COP1: variants seen among roughly 807,000 people sequenced by gnomAD.
COP1 encodes the protein COP1 E3 ubiquitin ligase.
COP1 carries 24 observed loss-of-function variants against 101.3 expected under a neutral mutation model. That is an observed-to-expected ratio of 0.24 (90% CI 0.17 to 0.33). The LOEUF is 0.33. COP1 is among the 10% of genes least tolerant of loss of function. The pLI is 1.00. For synonymous variants in COP1, 347 were observed against 341.9 expected (o/e 1.01, Z -0.17); for missense variants, 663 against 906.2 (o/e 0.73, Z 3.45).
At chr1:176,092,448 G>C (rs1681502798) in intron 9 of COP1, among the ~76,000 whole-genome samples, 1 of 151,974 alleles carries the variant, frequency 6.6e-6, no homozygotes, top group Non-Finnish European at 1.5e-5. Flanking sequence ...GGTGAGACAA[G>C]ATACAAACTG....
intron 9 of COP1, 124 bp from the exon 10 acceptor site, chr1:176,086,014 A>C: frequency 2.0e-6 from 1 of 495,548 alleles, no homozygotes; most frequent in East Asian, 2.8e-5. Flanking sequence ...CAAATAGTAA[A>C]AAACTGTAAT....
chr1:176,186,887 A>C (rs939517409), intron 1 of COP1, among the ~76,000 whole-genome samples: 5 of 152,188 alleles, frequency 3.3e-5, no homozygotes, highest in African/African-American at 1.2e-4. Context: ...GACAAAAATC[A>C]GTGAAGGTTT....
intron 1 of COP1, among the ~76,000 whole-genome samples, chr1:176,200,987 A>T (rs1359670154): frequency 6.6e-6 from 1 of 152,170 alleles, no homozygotes; most frequent in African/African-American, 2.4e-5. Flanking sequence ...ATCATGCCCA[A>T]CTTAAAAAAC....
At chr1:176,036,731 T>G (rs1330434694) in intron 14 of COP1, among the ~76,000 whole-genome samples, 1 of 152,192 alleles carries the variant, frequency 6.6e-6, no homozygotes, top group Non-Finnish European at 1.5e-5. Context: ...TATTCAACAT[T>G]GTATTGTAAA....
chr1:176,094,969 G>A (rs1682063625), intron 9 of COP1, among the ~76,000 whole-genome samples: 1 of 152,076 alleles, frequency 6.6e-6, no homozygotes, highest in Admixed American at 6.5e-5. Context: ...AATAAAATAA[G>A]TAACTTACCA....
At chr1:176,104,640 A>G (rs1300755146) in intron 9 of COP1, among the ~76,000 whole-genome samples, 1 of 152,234 alleles carries the variant, frequency 6.6e-6, no homozygotes, top group Non-Finnish European at 1.5e-5. Flanking sequence ...ATTAAAAACT[A>G]TGAAACTTTT....
At chr1:176,078,974 A>C (rs1449165976) in intron 11 of COP1, among the ~76,000 whole-genome samples, 2 of 152,142 alleles carry the variant, frequency 1.3e-5, no homozygotes, top group Non-Finnish European at 2.9e-5. Context: ...AATTATTAAA[A>C]AGTCAAAAAA....
In COP1 at chr1:176,065,621, C is replaced by T. The variant is rs149459843; in HGVS notation, c.1277+15531G>A. Among the ~76,000 whole-genome samples, 395 of 151,894 alleles carry T rather than the reference C, an allele frequency of 2.6e-3. 3 individuals are homozygous for T. Among genetic ancestry groups the T allele is most frequent in the African/African-American group, 9.1e-3 (377 of 41,412 alleles). ...CATAGGATGAGCTTTCTGTCCTCCC[C>T]TATTTGCCTGAAAGCAGAACATAAA... On this transcript the variant is annotated intron_variant, in intron 11 of 19. Transcript: ENST00000367669.
At chr1:176,086,520 C>CT (rs1680204883) in intron 9 of COP1, among the ~76,000 whole-genome samples, 1 of 152,258 alleles carries the variant, frequency 6.6e-6, no homozygotes, top group African/African-American at 2.4e-5. Context: ...GCCACTGCGC[C>CT]TGGCCTGATT....
intron 1 of COP1, among the ~76,000 whole-genome samples, chr1:176,202,958 C>T (rs1212507966): frequency 6.6e-6 from 1 of 152,090 alleles, no homozygotes; most frequent in African/African-American, 2.4e-5. Context: ...CTTAGTTTAA[C>T]ACAAAATAGG....
intron 2 of COP1, among the ~76,000 whole-genome samples, chr1:176,183,923 A>G (rs1698110493): frequency 6.6e-6 from 1 of 152,094 alleles, no homozygotes. Context: ...GGTGGCTGCC[A>G]GGGGATACAG....
chr1:175,992,074 A>T (rs2148770444), intron 15 of COP1, among the ~76,000 whole-genome samples: 1 of 152,314 alleles, frequency 6.6e-6, no homozygotes, highest in Middle Eastern at 3.4e-3. Context: ...GACTTTTTGA[A>T]CATTTTTAAT....
chr1:176,157,034 C>A (rs1183661696), intron 5 of COP1, among the ~76,000 whole-genome samples: 1 of 151,872 alleles, frequency 6.6e-6, no homozygotes, highest in African/African-American at 2.4e-5. Flanking sequence ...GCCATCTCTA[C>A]CAAAAATATA....
At chr1:175,994,962 A>G (rs1292667483) in intron 15 of COP1, among the ~76,000 whole-genome samples, 1 of 152,280 alleles carries the variant, frequency 6.6e-6, no homozygotes, top group East Asian at 1.9e-4. Context: ...GCACCACACA[A>G]CACCTATTCC....
intron 18 of COP1, among the ~76,000 whole-genome samples, chr1:175,947,619 C>T (rs2148476999): frequency 6.6e-6 from 1 of 152,262 alleles, no homozygotes; most frequent in South Asian, 2.1e-4. Context: ...ATCTGCCCAC[C>T]TCGGCCTCCC....
chr1:176,078,308 C>A (rs1211797465), intron 11 of COP1, among the ~76,000 whole-genome samples: 3 of 151,994 alleles, frequency 2.0e-5, no homozygotes, highest in Non-Finnish European at 2.9e-5. Context: ...GACATAAGAC[C>A]AATGGAATAG....
intron 15 of COP1, among the ~76,000 whole-genome samples, chr1:176,000,621 C>T (rs1661374077): frequency 6.6e-6 from 1 of 151,848 alleles, no homozygotes; most frequent in Admixed American, 6.6e-5. Flanking sequence ...CATGACTCTA[C>T]AATGTAAATA....
At chr1:176,092,295 AAT>A (rs1373260237) in intron 9 of COP1, among the ~76,000 whole-genome samples, 1 of 152,170 alleles carries the variant, frequency 6.6e-6, no homozygotes, top group Non-Finnish European at 1.5e-5. Context: ...CTGACCATGT[AAT>A]ATGTTACTGG....
chr1:176,052,101 G>A (rs1283122108), intron 11 of COP1, among the ~76,000 whole-genome samples: 2 of 152,102 alleles, frequency 1.3e-5, no homozygotes, highest in Non-Finnish European at 2.9e-5. Flanking sequence ...CTCACCCAGA[G>A]TAACTTCCAG....
Sources: gnomAD v4.1 joint callset for allele counts (sites outside exome capture counted in the v4.1 genomes callset) on GRCh38, gnomAD v4.1.1 for gene constraint, MANE v1.5 for transcripts, NCBI Gene and HGNC (gene_info 2026-07-23, HGNC 2026-07-21) for gene names.